CCDC38: variants seen among roughly 807,000 people sequenced by gnomAD.
CCDC38 encodes coiled-coil domain-containing protein 38.
In CCDC38, 69 loss-of-function variants were observed where a neutral mutation model predicts 72.8. The observed-to-expected ratio is 0.95, with a 90% confidence interval of 0.78 to 1.16. CCDC38 has a LOEUF of 1.16. Among genes scored for constraint, CCDC38 ranks in the 50% most tolerant of loss-of-function variants. The probability of loss-of-function intolerance (pLI) is 0.00; values close to 1 mark genes in which losing one functional copy is unlikely to be tolerated. For synonymous variants in CCDC38, 201 were observed against 213.2 expected (o/e 0.94, Z 0.50); for missense variants, 626 against 638.9 (o/e 0.98, Z 0.22).
intron 13 of CCDC38, 80 bp downstream of exon 13, chr12:95,878,131 A>G (rs1342914470): frequency 1.0e-5 from 15 of 1,501,676 alleles, no homozygotes; most frequent in South Asian, 5.8e-5. Flanking sequence ...TAACTCTCCT[A>G]TTCACATACT....
intron 14 of CCDC38, among the ~76,000 whole-genome samples, chr12:95,871,110 T>A (rs2079576479): frequency 6.6e-6 from 1 of 152,172 alleles, no homozygotes; most frequent in Admixed American, 6.5e-5. Context: ...ACGTGAACAT[T>A]ATCCCACTTG....
In CCDC38 at chr12:95,867,070, T is replaced by C; in HGVS notation, c.*6A>G. 6.8e-7 allele frequency: 1 copy of C among 1,475,740 alleles called. No homozygotes were observed. The highest frequency in any genetic ancestry group is 1.2e-5 in the South Asian group (1 of 85,896). 91.4% of individuals were successfully genotyped at this position (1,475,740 alleles called of 1,614,324 possible). ...TTCTGGTAATAAAATGTCTTACTGC[T>C]TTTATTCAAGTAAAAAAATATTCTT... On this transcript the variant is annotated 3_prime_UTR_variant, in exon 16 of 16. Transcript: ENST00000344280.
At chr12:95,935,030 G>A (rs1333941200) in intron 2 of CCDC38, 1 of 151,962 alleles carries the variant, frequency 6.6e-6, no homozygotes, top group African/African-American at 2.4e-5. Flanking sequence ...CCCATTCCCT[G>A]GTTGTATTAT....
chr12:95,871,570 G>A (rs533641793), intron 14 of CCDC38, among the ~76,000 whole-genome samples: 6 of 152,172 alleles, frequency 3.9e-5, no homozygotes, highest in African/African-American at 1.2e-4. Flanking sequence ...AGGCCATACC[G>A]CCCTCAATGC....
intron 4 of CCDC38, among the ~76,000 whole-genome samples, chr12:95,908,458 A>ACC (rs1555230296): frequency 0.036 from 1 of 28 alleles, no homozygotes; most frequent in Non-Finnish European, 0.12. Context: ...GGAGAGGGAG[A>ACC]GGGAGAGGGA....
chr12:95,940,151 C>T (rs1376438532), intron 1 of CCDC38, among the ~76,000 whole-genome samples: 1 of 152,158 alleles, frequency 6.6e-6, no homozygotes, highest in Non-Finnish European at 1.5e-5. Flanking sequence ...CCCACTCTGT[C>T]AACTGCCGCC....
At chr12:95,917,866 C>CA (rs34424423) in intron 3 of CCDC38, among the ~76,000 whole-genome samples, 13,340 of 98,930 alleles carry the variant, frequency 0.13, 981 homozygotes, top group African/African-American at 0.24. Flanking sequence ...GCAAGACTGT[C>CA]AAAAAAAAAA....
intron 13 of CCDC38, among the ~76,000 whole-genome samples, chr12:95,877,684 G>T (rs1233278736): frequency 2.0e-5 from 3 of 152,140 alleles, no homozygotes; most frequent in African/African-American, 7.2e-5. Context: ...CACTCAAGGG[G>T]GTTTGCATCT....
At position 95,879,649 on chromosome 12, in the gene CCDC38, A is replaced by G. The variant is rs1565943720; in HGVS notation, c.1137T>C (p.Asp379=). The change falls in exon 12 of 16, where the codon GAT becomes GAC. Residue 379 remains aspartate, a synonymous_variant. Coordinates refer to ENST00000344280, the MANE Select transcript of CCDC38 (RefSeq NM_182496.3). This position sits in a 1 kb window ranked among gnomAD's most constrained non-coding sequence, Gnocchi z 5.5. Reference sequence around the variant, plus strand: ...ACTTGTTTATAATGACTTACGTTTTATCCTGTATAACTTTTTCTCTTTTGT... The same window carrying G: ...ACTTGTTTATAATGACTTACGTTTTGTCCTGTATAACTTTTTCTCTTTTGT... ...EVNKREKVIQ[D]KTNSNIEFLL... 1.3e-6 allele frequency: 2 copies of G among 1,584,218 alleles called. No individual in the cohort carries two copies. The highest frequency in any genetic ancestry group is 8.6e-7 in the Non-Finnish European group (1 of 1,157,296).
At chr12:95,878,372 T>A (rs1441742367) in intron 12 of CCDC38, 26 bp from the exon 13 acceptor site, 1 of 1,601,380 alleles carries the variant, frequency 6.2e-7, no homozygotes, top group Non-Finnish European at 8.5e-7. Context: ...AAAGAGACCC[T>A]CATCTGAAAT....
chr12:95,883,447 G>A (rs2079723708), intron 10 of CCDC38, among the ~76,000 whole-genome samples: 2 of 152,100 alleles, frequency 1.3e-5, no homozygotes, highest in African/African-American at 4.8e-5. Context: ...CTGCCATTCT[G>A]AACAGAGCCA....
intron 3 of CCDC38, among the ~76,000 whole-genome samples, chr12:95,917,608 C>T (rs1255270200): frequency 1.3e-5 from 2 of 152,130 alleles, no homozygotes; most frequent in African/African-American, 2.4e-5. Context: ...TGCGGTAGCT[C>T]ATGTCTGTAA....
intron 7 of CCDC38, 69 bp from the exon 8 acceptor site, chr12:95,895,215 T>C: frequency 8.5e-7 from 1 of 1,180,946 alleles, no homozygotes; most frequent in Non-Finnish European, 1.2e-6. Context: ...AAAAAAATTT[T>C]TATAAAATTG....
rs1300456171 is a variant in CCDC38, at chr12:95,942,478, G to A, written c.-62C>T. On this transcript the variant is annotated 5_prime_UTR_variant, in exon 1 of 16. Transcript: ENST00000344280. ...GCCTTTCCAACCTATCGTTCGGGAA[G>A]GCGTTGTGGGAAAAGTGGGCGGAGG... 3 of 152,268 alleles carry A rather than the reference G, an allele frequency of 2.0e-5. No individual in the cohort carries two copies. The highest frequency in any genetic ancestry group is 4.4e-5 in the Non-Finnish European group (3 of 68,084). 9.4% of individuals were successfully genotyped at this position (152,268 alleles called of 1,614,324 possible).
chr12:95,875,690 C>G (rs778293693), intron 13 of CCDC38, among the ~76,000 whole-genome samples: 1 of 152,184 alleles, frequency 6.6e-6, no homozygotes, highest in Non-Finnish European at 1.5e-5. Context: ...TTCACCTCCC[C>G]TTCCCCACCC....
At chr12:95,921,633 G>A (rs2080209780) in intron 2 of CCDC38, among the ~76,000 whole-genome samples, 1 of 152,038 alleles carries the variant, frequency 6.6e-6, no homozygotes, top group African/African-American at 2.4e-5. Context: ...TGGGGATTAC[G>A]GGTCCCTCCT....
At chr12:95,885,812 C>T (rs562280979) in intron 10 of CCDC38, 1 of 152,310 alleles carries the variant, frequency 6.6e-6, no homozygotes, top group South Asian at 2.1e-4. Flanking sequence ...TATGTTATAA[C>T]ATCCTATCCT....
chr12:95,896,912 AC>A (rs1167360795), intron 7 of CCDC38, among the ~76,000 whole-genome samples: 7 of 152,354 alleles, frequency 4.6e-5, no homozygotes, highest in African/African-American at 1.7e-4. Context: ...TAAATGCAAT[AC>A]TTTGCACAAA....
intron 2 of CCDC38, among the ~76,000 whole-genome samples, chr12:95,929,635 T>C (rs1355876526): frequency 2.0e-5 from 3 of 152,240 alleles, no homozygotes; most frequent in Non-Finnish European, 2.9e-5. Flanking sequence ...GTCTTGGAAT[T>C]GACAAGGTGA....
Sources: allele counts gnomAD v4.1 joint callset (sites outside exome capture counted in the v4.1 genomes callset), GRCh38; gene constraint gnomAD v4.1.1; non-coding constraint Gnocchi (gnomAD v3.1); transcripts MANE v1.5; gene names NCBI Gene and HGNC (gene_info 2026-07-23, HGNC 2026-07-21).